The following RBM33 variants were observed in gnomAD, a reference collection of about 807,000 sequenced individuals.
RBM33 encodes RNA binding motif protein 33, also known as RNA-binding protein 33.
RBM33 carries 28 observed loss-of-function variants against 132.6 expected under a neutral mutation model. The observed-to-expected ratio is 0.21, with a 90% confidence interval of 0.16 to 0.29. The LOEUF (loss-of-function observed/expected upper bound fraction) is 0.29, where lower values mean the gene tolerates loss of function less well. Ranked by LOEUF, RBM33 falls within the 10% of genes least tolerant of loss-of-function variation. The pLI is 1.00. For synonymous variants in RBM33, 634 were observed against 593.0 expected, an observed-to-expected ratio of 1.07 and a Z score of -1.01; for missense variants, 1,291 against 1,518.5, an observed-to-expected ratio of 0.85 and a Z score of 2.49.
At chr7:155,730,334 A>G (rs570911218) in intron 9 of RBM33, among the ~76,000 whole-genome samples, 22 of 152,374 alleles carry the variant, frequency 1.4e-4, no homozygotes, top group Non-Finnish European at 2.9e-4. Context: ...TTTACCATAT[A>G]TGGAAACATG....
intron 14 of RBM33, among the ~76,000 whole-genome samples, chr7:155,758,645 C>G (rs1008240583): frequency 2.0e-5 from 3 of 151,252 alleles, no homozygotes; most frequent in African/African-American, 7.4e-5. Flanking sequence ...GGTACAAAAA[C>G]TTGTCTTGGA....
At chr7:155,761,726 A>G (rs1444629158) in intron 14 of RBM33, among the ~76,000 whole-genome samples, 1 of 152,040 alleles carries the variant, frequency 6.6e-6, no homozygotes, top group Non-Finnish European at 1.5e-5. Flanking sequence ...TCAAAATACC[A>G]ACTTTTGGTT....
Position 155,711,209 on chromosome 7 carries a change from G to A in RBM33, c.955G>A (p.Ala319Thr). 2 of 1,555,698 alleles carry A rather than the reference G, an allele frequency of 1.3e-6. No individual in the cohort carries two copies. The highest frequency in any genetic ancestry group is 2.0e-5 in the Admixed American group (1 of 51,234). Residue 319 changes from alanine (A) to threonine (T), a missense_variant, in exon 8 of 18, where the codon GCT becomes ACT. This residue lies in a region of RBM33 where 146 missense variants were observed against 137.1 expected (regional missense o/e 1.07). Coordinates refer to ENST00000401878, the MANE Select transcript of RBM33 (RefSeq NM_053043.3). ...AAGGTTAATTCCTCCACAGCCCCAG[G>A]CTCCCCCTCCACCGCCACCGCCGCC... ...LPTQPPVVPQAPPPPPPPPQQ... is the reference protein window; with the variant it reads ...LPTQPPVVPQTPPPPPPPPQQ...
At chr7:155,669,549 C>T (rs1031017594) in intron 2 of RBM33, among the ~76,000 whole-genome samples, 6 of 152,092 alleles carry the variant, frequency 3.9e-5, no homozygotes, top group South Asian at 4.1e-4. Context: ...GAAGGGGTTT[C>T]GCCGTGTTGG....
chr7:155,705,541 G>A (rs1800088778), intron 6 of RBM33, among the ~76,000 whole-genome samples: 1 of 152,174 alleles, frequency 6.6e-6, no homozygotes, highest in Admixed American at 6.5e-5. Flanking sequence ...GAGGAGTTTG[G>A]AGATGATGAT....
At chr7:155,763,573 A>G (rs1182070552) in intron 14 of RBM33, among the ~76,000 whole-genome samples, 3 of 152,224 alleles carry the variant, frequency 2.0e-5, no homozygotes, top group African/African-American at 7.2e-5. Flanking sequence ...TCTTATATGA[A>G]TATAGTAATT....
At chr7:155,708,421 G>T (rs1372040681) in intron 7 of RBM33, among the ~76,000 whole-genome samples, 1 of 152,098 alleles carries the variant, frequency 6.6e-6, no homozygotes, top group Non-Finnish European at 1.5e-5. Context: ...CCTCTTTCGG[G>T]GCCAAACAAC....
rs1189310258 is a variant in RBM33, at chr7:155,735,703, C to G, written c.1261-1827C>G. Among the ~76,000 whole-genome samples, 16 of 144,582 alleles carry G rather than the reference C, an allele frequency of 1.1e-4. 1 individual carries two copies. The East Asian group carries it at 3.0e-3, about 28-fold the overall frequency. The allele number at this position is 144,582 out of a possible 152,430, so 94.9% of individuals were successfully genotyped here. A position where few individuals can be genotyped will look rare whatever the true frequency, so the allele number is the denominator to read the frequency against. On this transcript the variant is annotated intron_variant, in intron 9 of 17. Transcript: ENST00000401878. ...AGAGCAAGACCCTGTCTCTCTCTCT[C>G]TCTCTCTCTCTCTCTGTCTCTCTCT...
intron 7 of RBM33, among the ~76,000 whole-genome samples, chr7:155,710,166 T>G (rs1368099927): frequency 6.6e-6 from 1 of 152,264 alleles, no homozygotes; most frequent in Non-Finnish European, 1.5e-5. Flanking sequence ...TGGCATCATC[T>G]CAGGGAAAAT....
chr7:155,739,216 A>G (rs1801235256), intron 11 of RBM33: 1 of 152,388 alleles, frequency 6.6e-6, no homozygotes, highest in African/African-American at 2.4e-5. Flanking sequence ...CTCGTTACCT[A>G]GAAACAATTC....
intron 12 of RBM33, 43 bp from the exon 13 acceptor site, chr7:155,741,776 A>T (rs777978351): frequency 6.4e-7 from 1 of 1,556,768 alleles, no homozygotes; most frequent in Non-Finnish European, 8.8e-7. Context: ...TCCTTCTGCC[A>T]AGTTTCCACT....
At chr7:155,709,921 T>C (rs1800230711) in intron 7 of RBM33, among the ~76,000 whole-genome samples, 1 of 152,232 alleles carries the variant, frequency 6.6e-6, no homozygotes, top group Non-Finnish European at 1.5e-5. Flanking sequence ...TTCTACTCAT[T>C]GTTCCTCTGA....
intron 13 of RBM33, among the ~76,000 whole-genome samples, chr7:155,744,660 CAT>C (rs1202734229): frequency 6.6e-6 from 1 of 152,232 alleles, no homozygotes; most frequent in African/African-American, 2.4e-5. Flanking sequence ...CTGTTTGAAA[CAT>C]ATTTTGATAT....
At chr7:155,710,708 T>C (rs550774784) in intron 7 of RBM33, among the ~76,000 whole-genome samples, 1 of 152,180 alleles carries the variant, frequency 6.6e-6, no homozygotes, top group South Asian at 2.1e-4. Flanking sequence ...CCTCCCAGCC[T>C]CTCCTGGAGG....
chr7:155,680,851 G>T lies in RBM33; in HGVS notation c.510G>T (p.Gln170His). 6.2e-7 allele frequency: 1 copy of T among 1,613,860 alleles called. No homozygotes were observed. Among genetic ancestry groups the T allele is most frequent in the South Asian group, 1.1e-5 (1 of 91,078 alleles). The change falls in exon 5 of 18, where the codon CAG becomes CAT. Residue 170 changes from glutamine (Q) to histidine (H), a missense_variant. By Grantham distance (24) the Gln-to-His change is conservative. This residue lies in a region of RBM33 where 194 missense variants were observed against 249.8 expected (regional missense o/e 0.78). Coordinates refer to ENST00000401878, the MANE Select transcript of RBM33 (RefSeq NM_053043.3). ...IEYVEEPEEE[Q>H]LYTDEVLDIE... Reference sequence around the variant, plus strand: ...ATGTGGAAGAGCCAGAGGAGGAGCAGCTTTACACTGATGAAGTGTTAGACA... The same window carrying T: ...ATGTGGAAGAGCCAGAGGAGGAGCATCTTTACACTGATGAAGTGTTAGACA...
chr7:155,764,054 G>A (rs767780363), intron 15 of RBM33, 36 bp downstream of exon 15: 160 of 1,461,710 alleles, frequency 1.1e-4, no homozygotes, highest in Admixed American at 2.2e-4. Context: ...CCCTGGAAAC[G>A]CGAAGGCCGG....
intron 3 of RBM33, among the ~76,000 whole-genome samples, chr7:155,678,054 A>G (rs903946935): frequency 7.2e-5 from 11 of 152,214 alleles, no homozygotes; most frequent in African/African-American, 2.7e-4. Context: ...CTCTCTCCTT[A>G]TAGGTAGGAG....
chr7:155,688,173 C>T (rs998925213), intron 5 of RBM33, among the ~76,000 whole-genome samples: 6 of 152,250 alleles, frequency 3.9e-5, no homozygotes, highest in East Asian at 1.9e-4. Flanking sequence ...TTGTAGTTCT[C>T]CTTGAAGAGA....
intron 9 of RBM33, among the ~76,000 whole-genome samples, chr7:155,729,742 CAAAAA>C (rs5888634): frequency 9.9e-5 from 10 of 101,380 alleles, no homozygotes; most frequent in Non-Finnish European, 1.4e-4. Flanking sequence ...GTCTCTTTAA[CAAAAA>C]AAAAAAAAAA....
Sources: allele counts gnomAD v4.1 joint callset (sites outside exome capture counted in the v4.1 genomes callset), GRCh38; gene constraint gnomAD v4.1.1; regional missense constraint gnomAD v4.1.1; transcripts MANE v1.5; gene names NCBI Gene and HGNC (gene_info 2026-07-23, HGNC 2026-07-21).